Variants in FHIT observed in about 807,000 individuals in gnomAD.
FHIT encodes fragile histidine triad diadenosine triphosphatase, also known as bis(5'-adenosyl)-triphosphatase.
A neutral mutation model predicts 17.9 loss-of-function variants in FHIT; 19 were observed. The ratio of observed to expected loss-of-function variants is 1.06; its 90% CI spans 0.74 to 1.56. The LOEUF is 1.56. FHIT is among the 40% of genes most tolerant of loss of function. The probability of loss-of-function intolerance (pLI) is 0.00; values close to 1 mark genes in which losing one functional copy is unlikely to be tolerated. For missense variants in FHIT, 248 were observed against 189.2 expected, an observed-to-expected ratio of 1.31 and a Z score of -1.82; for synonymous variants, 81 against 69.7, an observed-to-expected ratio of 1.16 and a Z score of -0.81.
chr3:60,886,927 C>A (rs534057686), intron 3 of FHIT, among the ~76,000 whole-genome samples: 1 of 152,220 alleles, frequency 6.6e-6, no homozygotes, highest in African/African-American at 2.4e-5. Context: ...TATAGCATGC[C>A]GTGGTTTGTT....
intron 3 of FHIT, among the ~76,000 whole-genome samples, chr3:60,999,506 A>T (rs2030916718): frequency 6.6e-6 from 1 of 150,942 alleles, no homozygotes; most frequent in African/African-American, 2.4e-5. Context: ...AACATTTTTT[A>T]AAAAGACATT....
intron 8 of FHIT, among the ~76,000 whole-genome samples, chr3:59,868,739 T>G (rs751117106): frequency 1.3e-5 from 2 of 152,212 alleles, no homozygotes; most frequent in Non-Finnish European, 2.9e-5. Flanking sequence ...TTCCTGTTCA[T>G]CAGGGGGTGG....
intron 5 of FHIT, among the ~76,000 whole-genome samples, chr3:60,336,921 A>T (rs185058554): frequency 5.2e-4 from 79 of 151,936 alleles, no homozygotes; most frequent in Non-Finnish European, 4.1e-4. Flanking sequence ...GTTCTTTGTC[A>T]GTTTGATGAG....
At chr3:60,938,568 A>G (rs956235113) in intron 3 of FHIT, among the ~76,000 whole-genome samples, 1 of 152,208 alleles carries the variant, frequency 6.6e-6, no homozygotes, top group African/African-American at 2.4e-5. Flanking sequence ...TCCCTGCAAA[A>G]CCAAATCCTA....
At chr3:60,640,853 A>G (rs1048636878) in intron 4 of FHIT, among the ~76,000 whole-genome samples, 1 of 152,206 alleles carries the variant, frequency 6.6e-6, no homozygotes, top group Non-Finnish European at 1.5e-5. Context: ...AGGTGAAATA[A>G]TTGAGTAGGA....
At chr3:60,443,880 G>C (rs1486427967) in intron 5 of FHIT, among the ~76,000 whole-genome samples, 1 of 152,096 alleles carries the variant, frequency 6.6e-6, no homozygotes, top group East Asian at 1.9e-4. Context: ...CACAGCAAAA[G>C]AAACTACCAT....
At chr3:61,167,912 G>C (rs1381729112) in intron 2 of FHIT, among the ~76,000 whole-genome samples, 2 of 152,082 alleles carry the variant, frequency 1.3e-5, no homozygotes, top group African/African-American at 2.4e-5. Context: ...GAGATTATTT[G>C]TCCAAGATCT....
At position 60,210,851 on chromosome 3, in the gene FHIT, C is replaced by G. The variant is rs547588077; in HGVS notation, c.104-196699G>C. On this transcript the variant is annotated intron_variant, in intron 5 of 9. Transcript: ENST00000492590. ...TGGATAAGTGTTCATCAATACCTAG[C>G]AAAATTACATATGTATTTATCCTTT... 7.2e-4 allele frequency among the ~76,000 whole-genome samples: 110 copies of G among 152,054 alleles called. 5 individuals are homozygous for G. The South Asian group carries it at 0.022, about 31-fold the overall frequency.
intron 2 of FHIT, among the ~76,000 whole-genome samples, chr3:61,149,139 G>T (rs947945015): frequency 6.6e-6 from 1 of 152,194 alleles, no homozygotes; most frequent in African/African-American, 2.4e-5. Flanking sequence ...GGGCTGAAAG[G>T]TCATCACCAG....
intron 4 of FHIT, among the ~76,000 whole-genome samples, chr3:60,557,382 CGGA>C (rs2036777137): frequency 6.6e-6 from 1 of 151,096 alleles, no homozygotes; most frequent in African/African-American, 2.4e-5. Context: ...GGTGGGTGAG[CGGA>C]GGAGGTGACA....
At chr3:60,717,244 A>G (rs899457561) in intron 4 of FHIT, among the ~76,000 whole-genome samples, 6 of 152,152 alleles carry the variant, frequency 3.9e-5, no homozygotes, top group Non-Finnish European at 5.9e-5. Context: ...CATAATAACT[A>G]TAGTTAATAA....
chr3:60,237,896 G>A (rs926385879), intron 5 of FHIT, among the ~76,000 whole-genome samples: 1 of 152,096 alleles, frequency 6.6e-6, no homozygotes, highest in African/African-American at 2.4e-5. Context: ...AGTACTTTGG[G>A]AGGCCGAGGC....
chr3:60,515,180 C>A (rs2035105101), intron 5 of FHIT, among the ~76,000 whole-genome samples: 1 of 152,076 alleles, frequency 6.6e-6, no homozygotes, highest in Admixed American at 6.5e-5. Flanking sequence ...GGGTAATATT[C>A]CATCCTAGTG....
chr3:60,029,954 G>A (rs948761879), intron 5 of FHIT, among the ~76,000 whole-genome samples: 32 of 139,430 alleles, frequency 2.3e-4, no homozygotes, highest in Admixed American at 4.5e-4. Flanking sequence ...TTGGTGCAGC[G>A]TGGCTTTTTG....
intron 5 of FHIT, among the ~76,000 whole-genome samples, chr3:60,321,341 T>C (rs1709418381): frequency 6.6e-6 from 1 of 152,062 alleles, no homozygotes; most frequent in South Asian, 2.1e-4. Context: ...CCAGGCGTGG[T>C]GGCATACACC....
At chr3:60,040,016 G>T in intron 5 of FHIT, among the ~76,000 whole-genome samples, 1 of 152,154 alleles carries the variant, frequency 6.6e-6, no homozygotes, top group Non-Finnish European at 1.5e-5. Flanking sequence ...ATACAATAAT[G>T]AGCCAAATGC....
chr3:60,730,894 A>C (rs1229947396), intron 4 of FHIT, among the ~76,000 whole-genome samples: 3 of 151,586 alleles, frequency 2.0e-5, no homozygotes, highest in Non-Finnish European at 4.4e-5. Flanking sequence ...AGGCAGGTGG[A>C]TCACGAGGTC....
At chr3:60,224,731 T>C (rs927138089) in intron 5 of FHIT, among the ~76,000 whole-genome samples, 5 of 151,616 alleles carry the variant, frequency 3.3e-5, no homozygotes, top group African/African-American at 1.2e-4. Flanking sequence ...TATTTTATTT[T>C]ATTTTATTTT....
chr3:60,082,818 G>C (rs554938832), intron 5 of FHIT, among the ~76,000 whole-genome samples: 1 of 152,086 alleles, frequency 6.6e-6, no homozygotes, highest in Admixed American at 6.6e-5. Flanking sequence ...TTGTAATAGG[G>C]CTGTTTTTTG....
Sources: allele counts gnomAD v4.1 joint callset (sites outside exome capture counted in the v4.1 genomes callset), GRCh38; gene constraint gnomAD v4.1.1; transcripts MANE v1.5; gene names NCBI Gene and HGNC (gene_info 2026-07-23, HGNC 2026-07-21).